NLK: variants seen among roughly 807,000 people sequenced by gnomAD.
The protein encoded by NLK is serine/threonine-protein kinase NLK.
A neutral mutation model predicts 59.0 loss-of-function variants in NLK; 11 were observed. The observed-to-expected ratio is 0.19, with a 90% confidence interval of 0.12 to 0.31. The LOEUF is 0.31. NLK is among the 10% of genes least tolerant of loss of function. NLK has a pLI of 1.00. For missense variants in NLK, 410 were observed against 661.1 expected (o/e 0.62, Z 4.16); for synonymous variants, 235 against 235.9 (o/e 1.00, Z 0.03).
chr17:28,151,574 T>C (rs556344271), intron 3 of NLK, among the ~76,000 whole-genome samples: 1 of 152,280 alleles, frequency 6.6e-6, no homozygotes, highest in Non-Finnish European at 1.5e-5. Flanking sequence ...CTTTTATGTT[T>C]AAAAGATACT....
In NLK at chr17:28,123,185, C is replaced by T. The variant is rs958955871; in HGVS notation, c.588+453C>T. Among the ~76,000 whole-genome samples, 6 of 152,140 alleles carry T rather than the reference C, an allele frequency of 3.9e-5. No homozygotes were observed. The South Asian group carries it at 1.2e-3, about 31-fold the overall frequency. On this transcript the variant is annotated intron_variant, in intron 2 of 10. Transcript: ENST00000407008. ...AAGCCCTAAACTCCAAATCAGGAAA[C>T]GTTGAACCTATTGAGTTTCGCATTG...
At chr17:28,094,055 T>C (rs1351355299) in intron 1 of NLK, among the ~76,000 whole-genome samples, 2 of 152,208 alleles carry the variant, frequency 1.3e-5, no homozygotes, top group African/African-American at 4.8e-5. Flanking sequence ...TACTAGAATA[T>C]GATTAATTCA....
At chr17:28,133,897 A>T (rs1462964996) in intron 3 of NLK, among the ~76,000 whole-genome samples, 1 of 152,100 alleles carries the variant, frequency 6.6e-6, no homozygotes, top group East Asian at 1.9e-4. Flanking sequence ...CCTAGAAAAT[A>T]GGAACAATTA....
At chr17:28,184,898 A>C (rs1385706619) in intron 7 of NLK, among the ~76,000 whole-genome samples, 2 of 152,248 alleles carry the variant, frequency 1.3e-5, no homozygotes, top group Non-Finnish European at 2.9e-5. Flanking sequence ...CAGTGAACCA[A>C]GATGGCGCCA....
rs1908517053 is a variant in NLK, at chr17:28,172,798, C to G, written c.1149+180C>G. On this transcript the variant is annotated intron_variant, in intron 7 of 10. Coordinates refer to ENST00000407008, the MANE Select transcript of NLK (RefSeq NM_016231.5). ...TTGTCAAACTGAATAAAATCTCATTCCTAATGCCGTAGGAGAAAGTGCGTG... is the reference window on the plus strand; with the variant it reads ...TTGTCAAACTGAATAAAATCTCATTGCTAATGCCGTAGGAGAAAGTGCGTG... Among the ~76,000 whole-genome samples the G allele has an allele frequency of 2.0e-5, 3 of 152,132 alleles. No individual in the cohort carries two copies. In the South Asian group the frequency reaches 6.2e-4, roughly 32 times the overall value.
At chr17:28,066,922 C>T (rs577454134) in intron 1 of NLK, among the ~76,000 whole-genome samples, 1 of 152,232 alleles carries the variant, frequency 6.6e-6, no homozygotes, top group Non-Finnish European at 1.5e-5. Flanking sequence ...CTATTCAAGC[C>T]TTTGCCCATA....
intron 2 of NLK, among the ~76,000 whole-genome samples, chr17:28,122,949 C>T (rs1309973248): frequency 6.6e-6 from 1 of 151,854 alleles, no homozygotes; most frequent in Non-Finnish European, 1.5e-5. Flanking sequence ...GAAAGAGATG[C>T]ACACACACAC....
At chr17:28,166,084 G>A (rs954696683) in intron 5 of NLK, among the ~76,000 whole-genome samples, 3 of 152,148 alleles carry the variant, frequency 2.0e-5, no homozygotes, top group East Asian at 1.9e-4. Context: ...GCGTGGTGGC[G>A]CATGCCACTA....
chr17:28,100,152 T>G (rs1597679983), intron 1 of NLK, among the ~76,000 whole-genome samples: 1 of 152,204 alleles, frequency 6.6e-6, no homozygotes, highest in Non-Finnish European at 1.5e-5. Context: ...ATTTTACATT[T>G]TACATTACAT....
intron 7 of NLK, among the ~76,000 whole-genome samples, chr17:28,178,597 A>G (rs993617724): frequency 3.3e-5 from 5 of 152,166 alleles, no homozygotes; most frequent in African/African-American, 9.7e-5. Context: ...TTAGGTCTTC[A>G]GTTTTCCTCA....
chr17:28,056,199 A>G (rs1909437223), intron 1 of NLK, among the ~76,000 whole-genome samples: 1 of 152,168 alleles, frequency 6.6e-6, no homozygotes, highest in Non-Finnish European at 1.5e-5. Context: ...TGTTTGTTTC[A>G]CTAACATTGC....
At chr17:28,090,461 A>G (rs1352316393) in intron 1 of NLK, among the ~76,000 whole-genome samples, 1 of 151,442 alleles carries the variant, frequency 6.6e-6, no homozygotes, top group African/African-American at 2.4e-5. Flanking sequence ...TCTGTTAGTC[A>G]TTTTACTTCC....
chr17:28,113,199 G>A (rs1474555836), intron 1 of NLK, among the ~76,000 whole-genome samples: 3 of 152,146 alleles, frequency 2.0e-5, no homozygotes, highest in Admixed American at 2.0e-4. Context: ...ACTCAATGGT[G>A]TATCACAAAG....
intron 3 of NLK, among the ~76,000 whole-genome samples, chr17:28,158,590 CTT>C (rs575641560): frequency 1.6e-4 from 24 of 152,226 alleles, no homozygotes; most frequent in African/African-American, 5.1e-4. Context: ...TGTAATAACA[CTT>C]AGCGTAAAAC....
intron 1 of NLK, 117 bp from the exon 2 acceptor site, chr17:28,122,486 C>T (rs928666821): frequency 1.9e-5 from 20 of 1,052,418 alleles, no homozygotes; most frequent in African/African-American, 3.2e-5. Context: ...ATTAAGTGGA[C>T]TTAATGTTGA....
downstream of NLK, among the ~76,000 whole-genome samples, chr17:28,199,918 A>G (rs1453000717): frequency 1.3e-5 from 2 of 152,162 alleles, no homozygotes; most frequent in Non-Finnish European, 2.9e-5. Flanking sequence ...TGGAGTACTC[A>G]GGGGTGGCAG....
chr17:28,139,433 C>G (rs886578173), intron 3 of NLK, among the ~76,000 whole-genome samples: 3 of 152,096 alleles, frequency 2.0e-5, no homozygotes, highest in Non-Finnish European at 4.4e-5. Flanking sequence ...AAGCCTAGAA[C>G]AGAAATTTAA....
intron 1 of NLK, among the ~76,000 whole-genome samples, chr17:28,085,237 G>C (rs1910472103): frequency 6.6e-6 from 1 of 152,158 alleles, no homozygotes; most frequent in South Asian, 2.1e-4. Flanking sequence ...TATTCTGTTA[G>C]CACATGGAGT....
At chr17:28,140,439 A>G (rs1906938587) in intron 3 of NLK, among the ~76,000 whole-genome samples, 2 of 152,206 alleles carry the variant, frequency 1.3e-5, no homozygotes, top group African/African-American at 4.8e-5. Context: ...TGTGTATTTT[A>G]CCACAATTTT....
Sources: gnomAD v4.1 joint callset for allele counts (sites outside exome capture counted in the v4.1 genomes callset) on GRCh38, gnomAD v4.1.1 for gene constraint, MANE v1.5 for transcripts, NCBI Gene and HGNC (gene_info 2026-07-23, HGNC 2026-07-21) for gene names.